SLC5A4: variants seen among roughly 807,000 people sequenced by gnomAD.
The protein encoded by SLC5A4 is solute carrier family 5 member 4.
A neutral mutation model predicts 70.3 loss-of-function variants in SLC5A4; 55 were observed. The observed-to-expected ratio is 0.78, with a 90% confidence interval of 0.63 to 0.98. The LOEUF is 0.98. Ranked by LOEUF, SLC5A4 falls within the 50% of genes least tolerant of loss-of-function variation. The pLI, the probability that SLC5A4 is intolerant of heterozygous loss-of-function variation, is 0.00. For synonymous variants in SLC5A4, 268 were observed against 305.7 expected, an observed-to-expected ratio of 0.88 and a Z score of 1.29; for missense variants, 735 against 839.2, an observed-to-expected ratio of 0.88 and a Z score of 1.53.
At chr22:32,240,022 CAAA>C (rs35616277) in intron 5 of SLC5A4, among the ~76,000 whole-genome samples, 3 of 74,074 alleles carry the variant, frequency 4.1e-5, no homozygotes, top group African/African-American at 5.4e-5. Flanking sequence ...GACTCCATCT[CAAA>C]AAAAAAAAAA....
intron 3 of SLC5A4, among the ~76,000 whole-genome samples, chr22:32,249,130 C>G (rs1351144104): frequency 6.6e-6 from 1 of 152,140 alleles, no homozygotes; most frequent in Non-Finnish European, 1.5e-5. Context: ...AGTGACAAAG[C>G]AATGAGAAAG....
chr22:32,252,119 G>C (rs1927201872), intron 2 of SLC5A4, among the ~76,000 whole-genome samples: 1 of 151,804 alleles, frequency 6.6e-6, no homozygotes, highest in African/African-American at 2.4e-5. Flanking sequence ...AGTCCCTGCT[G>C]CTCTGGAGGC....
chr22:32,315,274 T>G, the SLC5A4 span, among the ~76,000 whole-genome samples: 1 of 150,760 alleles, frequency 6.6e-6, no homozygotes, highest in Admixed American at 6.6e-5. Flanking sequence ...CAGAGAAGAA[T>G]GAAACAAAAC....
At chr22:32,275,189 A>C in the SLC5A4 span, among the ~76,000 whole-genome samples, 1 of 152,240 alleles carries the variant, frequency 6.6e-6, no homozygotes, top group Non-Finnish European at 1.5e-5. Context: ...ATCAAGGTGC[A>C]TACTCTGAAC....
At chr22:32,307,127 T>C in the SLC5A4 span, among the ~76,000 whole-genome samples, 1 of 150,746 alleles carries the variant, frequency 6.6e-6, no homozygotes, top group Non-Finnish European at 1.5e-5. Flanking sequence ...TGGGAGCCCA[T>C]TACCATTTAT....
the SLC5A4 span, among the ~76,000 whole-genome samples, chr22:32,297,530 T>C: frequency 1.2e-5 from 1 of 80,290 alleles, no homozygotes; most frequent in Non-Finnish European, 2.5e-5. Flanking sequence ...TGTGTCTATT[T>C]GATTCTTCTC....
the SLC5A4 span, among the ~76,000 whole-genome samples, chr22:32,303,170 G>A: frequency 1.3e-5 from 2 of 152,188 alleles, no homozygotes; most frequent in Admixed American, 1.3e-4. Flanking sequence ...AGCTTCAGAA[G>A]ATCCTCACGA....
the SLC5A4 span, chr22:32,270,377 T>C: frequency 7.0e-7 from 1 of 1,438,098 alleles, no homozygotes. Flanking sequence ...CCCCAGGTGG[T>C]GACAACCTTT....
chr22:32,305,920 C>T, the SLC5A4 span, among the ~76,000 whole-genome samples: 2 of 151,758 alleles, frequency 1.3e-5, no homozygotes, highest in East Asian at 1.9e-4. Flanking sequence ...TGACCTTGCC[C>T]CTGCCCCTTT....
chr22:32,270,183 G>T, the SLC5A4 span: 1 of 660,970 alleles, frequency 1.5e-6, no homozygotes, highest in South Asian at 1.5e-5. Flanking sequence ...CACACAGCTG[G>T]CCACCTACCT....
At chr22:32,304,303 G>GT in the SLC5A4 span, among the ~76,000 whole-genome samples, 1 of 151,612 alleles carries the variant, frequency 6.6e-6, no homozygotes, top group Non-Finnish European at 1.5e-5. Context: ...TTTTTGTGGG[G>GT]TTTTTTTCCG....
At chr22:32,292,640 G>C in the SLC5A4 span, among the ~76,000 whole-genome samples, 1 of 151,722 alleles carries the variant, frequency 6.6e-6, no homozygotes, top group South Asian at 2.1e-4. Context: ...TATCTTAATG[G>C]CATTGTGGTC....
At chr22:32,324,158 A>G in the SLC5A4 span, among the ~76,000 whole-genome samples, 2 of 149,580 alleles carry the variant, frequency 1.3e-5, no homozygotes, top group Non-Finnish European at 3.0e-5. Flanking sequence ...ACGCGGCTCT[A>G]TTTCTCATGC....
chr22:32,343,354 C>A, the SLC5A4 span, among the ~76,000 whole-genome samples: 9 of 152,314 alleles, frequency 5.9e-5, no homozygotes, highest in Middle Eastern at 6.8e-3. Flanking sequence ...TATCTCCTTG[C>A]CTTTTTCCTC....
chr22:32,222,881 T>C (rs938282395), intron 13 of SLC5A4, among the ~76,000 whole-genome samples: 22 of 152,360 alleles, frequency 1.4e-4, no homozygotes, highest in Middle Eastern at 3.4e-3. Flanking sequence ...GCAGTATTTA[T>C]ATTTTAAAAA....
At chr22:32,239,567 TA>T (rs1926353363) in intron 5 of SLC5A4, among the ~76,000 whole-genome samples, 1 of 20,280 alleles carries the variant, frequency 4.9e-5, no homozygotes, top group Non-Finnish European at 9.2e-5. Context: ...TATATATATA[TA>T]TTTATATATA....
chr22:32,237,459 A>G (rs557096858), intron 6 of SLC5A4, 135 bp from the exon 7 acceptor site: 9 of 592,702 alleles, frequency 1.5e-5, no homozygotes, highest in African/African-American at 7.7e-5. Flanking sequence ...TGGGTGAGCC[A>G]CAAGCTTGTC....
the SLC5A4 span, among the ~76,000 whole-genome samples, chr22:32,264,798 A>T: frequency 4.6e-5 from 7 of 152,206 alleles, no homozygotes; most frequent in African/African-American, 1.7e-4. Flanking sequence ...CTTTTTTTGT[A>T]GCCCTTGTTA....
chr22:32,349,226 G>A, the SLC5A4 span, among the ~76,000 whole-genome samples: 1 of 151,368 alleles, frequency 6.6e-6, no homozygotes, highest in Admixed American at 6.6e-5. Context: ...ACCCACCTTG[G>A]CCTCCCAAGG....
Sources: allele counts gnomAD v4.1 joint callset (sites outside exome capture counted in the v4.1 genomes callset), GRCh38; gene constraint gnomAD v4.1.1; transcripts MANE v1.5; gene names NCBI Gene and HGNC (gene_info 2026-07-23, HGNC 2026-07-21).